CNTNAP2: variants seen among roughly 807,000 people sequenced by gnomAD.
CNTNAP2 encodes contactin-associated protein-like 2.
CNTNAP2 carries 98 observed loss-of-function variants against 155.2 expected under a neutral mutation model. The ratio of observed to expected loss-of-function variants is 0.63; its 90% CI spans 0.54 to 0.75. The LOEUF is 0.75. Among genes scored for constraint, CNTNAP2 ranks in the 30% least tolerant of loss-of-function variants. CNTNAP2 has a pLI of 0.00. For synonymous variants in CNTNAP2, 651 were observed against 631.2 expected, an observed-to-expected ratio of 1.03 and a Z score of -0.47; for missense variants, 1,727 against 1,688.1, an observed-to-expected ratio of 1.02 and a Z score of -0.40.
chr7:146,283,913 C>T (rs1242779745), intron 1 of CNTNAP2, among the ~76,000 whole-genome samples: 1 of 152,070 alleles, frequency 6.6e-6, no homozygotes, highest in Non-Finnish European at 1.5e-5. Flanking sequence ...GTCTCAGAAC[C>T]AGTCTTACAA....
At position 147,048,105 on chromosome 7, in the gene CNTNAP2, C is replaced by T. The variant is rs900982162; in HGVS notation, c.550+4051C>T. Among the ~76,000 whole-genome samples, 17 of 130,816 alleles carry T rather than the reference C, an allele frequency of 1.3e-4. No homozygotes were observed. In the East Asian group the frequency reaches 1.4e-3, roughly 11 times the overall value. 85.8% of individuals were successfully genotyped at this position (130,816 alleles called of 152,430 possible). A position where few individuals can be genotyped will look rare whatever the true frequency, so the allele number is the denominator to read the frequency against. ...TTTTTTTTTTTTTGAGATGGAGTCT[C>T]GCTCTGTTGCTCAGGCTGGAGTGCA... On this transcript the variant is annotated intron_variant, in intron 4 of 23. Transcript: ENST00000361727.
chr7:147,255,036 T>TG (rs1202652996), intron 8 of CNTNAP2, among the ~76,000 whole-genome samples: 1 of 152,170 alleles, frequency 6.6e-6, no homozygotes, highest in Non-Finnish European at 1.5e-5. Flanking sequence ...AAAATTATGA[T>TG]GGGGAAAAAA....
At chr7:148,062,842 T>G (rs551386984) in intron 15 of CNTNAP2, among the ~76,000 whole-genome samples, 1 of 152,230 alleles carries the variant, frequency 6.6e-6, no homozygotes, top group East Asian at 1.9e-4. Context: ...GAAGTTATAG[T>G]AGGGAGGATC....
chr7:146,269,048 C>T (rs1325054079), intron 1 of CNTNAP2, among the ~76,000 whole-genome samples: 1 of 152,052 alleles, frequency 6.6e-6, no homozygotes, highest in Admixed American at 6.5e-5. Context: ...ATACTGGGGA[C>T]ATAAGAGGGT....
At chr7:146,933,503 A>G (rs1259355113) in intron 3 of CNTNAP2, among the ~76,000 whole-genome samples, 1 of 151,258 alleles carries the variant, frequency 6.6e-6, no homozygotes, top group Non-Finnish European at 1.5e-5. Flanking sequence ...AAACCTAGGC[A>G]TTACCATTCA....
At chr7:146,958,822 G>C (rs1453599925) in intron 3 of CNTNAP2, among the ~76,000 whole-genome samples, 1 of 151,802 alleles carries the variant, frequency 6.6e-6, no homozygotes, top group Admixed American at 6.6e-5. Context: ...AAAATTAATT[G>C]AATGCATGAC....
intron 12 of CNTNAP2, among the ~76,000 whole-genome samples, chr7:147,613,561 G>A (rs1203253471): frequency 1.3e-5 from 2 of 152,132 alleles, no homozygotes; most frequent in South Asian, 2.1e-4. Context: ...GAAAAAGCCG[G>A]ATGCAGTGGC....
intron 21 of CNTNAP2, among the ~76,000 whole-genome samples, chr7:148,370,708 A>G (rs1798872264): frequency 6.6e-6 from 1 of 152,140 alleles, no homozygotes; most frequent in Admixed American, 6.5e-5. Context: ...ATTGAACTCA[A>G]TAGCCCCTTG....
At chr7:147,562,467 A>G (rs1409329635) in intron 12 of CNTNAP2, among the ~76,000 whole-genome samples, 1 of 152,172 alleles carries the variant, frequency 6.6e-6, no homozygotes, top group Non-Finnish European at 1.5e-5. Flanking sequence ...TTCATGTTTG[A>G]TGTGAACAAT....
intron 1 of CNTNAP2, among the ~76,000 whole-genome samples, chr7:146,124,536 A>T (rs2116724282): frequency 6.6e-6 from 1 of 152,314 alleles, no homozygotes; most frequent in Non-Finnish European, 1.5e-5. Context: ...TCTTATTTTT[A>T]AAAATTTATT....
chr7:147,865,713 G>A (rs953445632), intron 13 of CNTNAP2, among the ~76,000 whole-genome samples: 17 of 152,230 alleles, frequency 1.1e-4, no homozygotes, highest in South Asian at 6.2e-4. Context: ...GTTTATTTGC[G>A]TAGAAGTGTT....
intron 13 of CNTNAP2, among the ~76,000 whole-genome samples, chr7:147,650,157 T>G (rs1795428479): frequency 6.6e-6 from 1 of 152,172 alleles, no homozygotes; most frequent in Non-Finnish European, 1.5e-5. Context: ...ATTCATCACC[T>G]GATAAACCTA....
intron 11 of CNTNAP2, among the ~76,000 whole-genome samples, chr7:147,504,001 G>C (rs549677024): frequency 6.6e-6 from 1 of 152,162 alleles, no homozygotes; most frequent in Admixed American, 6.5e-5. Context: ...AGATGAAAAA[G>C]CTGAGGTTCA....
chr7:146,143,155 C>G (rs1797904705), intron 1 of CNTNAP2, among the ~76,000 whole-genome samples: 1 of 152,172 alleles, frequency 6.6e-6, no homozygotes, highest in Non-Finnish European at 1.5e-5. Context: ...CTCTCTGCAC[C>G]TCCTAAAGAA....
intron 1 of CNTNAP2, among the ~76,000 whole-genome samples, chr7:146,410,192 C>T (rs1035172029): frequency 2.0e-5 from 3 of 152,132 alleles, no homozygotes; most frequent in Admixed American, 6.5e-5. Flanking sequence ...CAAGCTTGGG[C>T]AAATGACTGC....
rs960614152 is a variant in CNTNAP2 at position 146,210,636 on chromosome 7, G to A, written c.97+93663G>A. 7.2e-5 allele frequency among the ~76,000 whole-genome samples: 11 copies of A among 152,090 alleles called. No homozygotes were observed. In the South Asian group the frequency reaches 8.3e-4, roughly 12 times the overall value. On this transcript the variant is annotated intron_variant, in intron 1 of 23. Transcript: ENST00000361727. ...ACTGTTAATATAGTTTTCCACCACCGGTTACCAGGCTATACCTATATCATA... is the reference window on the plus strand; with the variant it reads ...ACTGTTAATATAGTTTTCCACCACCAGTTACCAGGCTATACCTATATCATA...
intron 1 of CNTNAP2, among the ~76,000 whole-genome samples, chr7:146,366,343 A>G (rs988008097): frequency 4.6e-5 from 7 of 152,124 alleles, no homozygotes; most frequent in African/African-American, 1.7e-4. Context: ...TCTGATAATA[A>G]CATTTTTCTA....
At chr7:147,640,838 T>C (rs1163497901) in intron 13 of CNTNAP2, among the ~76,000 whole-genome samples, 1 of 152,146 alleles carries the variant, frequency 6.6e-6, no homozygotes, top group Non-Finnish European at 1.5e-5. Flanking sequence ...TGGCTGCTTA[T>C]ATGAGGAGGC....
At chr7:146,575,119 T>G (rs566133658) in intron 1 of CNTNAP2, among the ~76,000 whole-genome samples, 1 of 152,208 alleles carries the variant, frequency 6.6e-6, no homozygotes, top group Non-Finnish European at 1.5e-5. Context: ...GTGATACATT[T>G]ACACCCTGGT....
Sources: gnomAD v4.1 joint callset for allele counts (sites outside exome capture counted in the v4.1 genomes callset) on GRCh38, gnomAD v4.1.1 for gene constraint, MANE v1.5 for transcripts, NCBI Gene and HGNC (gene_info 2026-07-23, HGNC 2026-07-21) for gene names.